BAZ2B: variants seen among roughly 807,000 people sequenced by gnomAD.
The protein encoded by BAZ2B is bromodomain adjacent to zinc finger domain 2B.
In BAZ2B, 91 loss-of-function variants were observed where a neutral mutation model predicts 246.0. The ratio of observed to expected loss-of-function variants is 0.37; its 90% CI spans 0.31 to 0.44. BAZ2B has a LOEUF of 0.44. Ranked by LOEUF, BAZ2B falls within the 20% of genes least tolerant of loss-of-function variation. The pLI, the probability that BAZ2B is intolerant of heterozygous loss-of-function variation, is 1.00. For synonymous variants in BAZ2B, 855 were observed against 860.0 expected (o/e 0.99, Z 0.10); for missense variants, 2,332 against 2,533.7 (o/e 0.92, Z 1.71).
rs368497439 is a variant in BAZ2B at position 159,336,992 on chromosome 2, T to A, written c.5746A>T (p.Ile1916Phe). ...GCTATTGATTTCTGTAATTGCTGAA[T>A]GCACAGAGCTACCTGTGCAGCACTG... is the stretch of plus-strand genomic sequence containing the variant. ...ARSAAQVALC[I>F]QQLQKSIAWE... Residue 1916 changes from isoleucine to phenylalanine, a missense_variant, in exon 33 of 37, where the codon ATT (isoleucine) becomes TTT (phenylalanine). By Grantham distance (21) the Ile-to-Phe change is conservative. Transcript: ENST00000392783. 3 of 1,611,448 alleles carry A rather than the reference T, an allele frequency of 1.9e-6. No individual in the cohort carries two copies. The highest frequency in any genetic ancestry group is 3.3e-5 in the Admixed American group (2 of 59,944).
At chr2:159,616,729 T>TTA (rs1696145813), upstream of BAZ2B, 1 of 152,248 alleles carries the variant, frequency 6.6e-6, no homozygotes, top group Admixed American at 6.5e-5. Context: ...ACTGTAGCTT[T>TTA]GAGTTTGCAC....
At chr2:159,382,078 T>A (rs148789776) in intron 25 of BAZ2B, among the ~76,000 whole-genome samples, 1 of 152,330 alleles carries the variant, frequency 6.6e-6, no homozygotes, top group East Asian at 1.9e-4. Flanking sequence ...TCCTTCTCAG[T>A]GAGACTGTAA....
At chr2:159,668,484 C>T in the BAZ2B span, among the ~76,000 whole-genome samples, 1 of 152,122 alleles carries the variant, frequency 6.6e-6, no homozygotes, top group Non-Finnish European at 1.5e-5. Flanking sequence ...TTAAGAAGTT[C>T]CCTATCATTC....
chr2:159,473,468 A>C (rs545137972), intron 3 of BAZ2B, among the ~76,000 whole-genome samples: 1 of 152,170 alleles, frequency 6.6e-6, no homozygotes, highest in South Asian at 2.1e-4. Flanking sequence ...ATTTTTTATT[A>C]GTCTGGCTAG....
At chr2:159,685,557 A>G in the BAZ2B span, among the ~76,000 whole-genome samples, 4 of 152,176 alleles carry the variant, frequency 2.6e-5, no homozygotes, top group African/African-American at 9.6e-5. Flanking sequence ...ATAGAAGAAA[A>G]GGCAAAAGCA....
chr2:159,598,124 G>A (rs1691208324), intron 1 of BAZ2B, among the ~76,000 whole-genome samples: 1 of 151,966 alleles, frequency 6.6e-6, no homozygotes, highest in African/African-American at 2.4e-5. Flanking sequence ...CTCCCGAGTA[G>A]CTAGTACTAT....
chr2:159,316,018 GAT>G (rs2062079048), downstream of BAZ2B, among the ~76,000 whole-genome samples: 1 of 152,060 alleles, frequency 6.6e-6, no homozygotes, highest in South Asian at 2.1e-4. Flanking sequence ...TAATACAACT[GAT>G]ATGTCTAAAA....
intron 1 of BAZ2B, among the ~76,000 whole-genome samples, chr2:159,567,071 T>G (rs537287318): frequency 8.6e-5 from 13 of 152,034 alleles, no homozygotes; most frequent in Admixed American, 7.2e-4. Flanking sequence ...GATGAGACCT[T>G]GTTTCTACTA....
At chr2:159,342,834 T>C (rs2066977310) in intron 31 of BAZ2B, among the ~76,000 whole-genome samples, 3 of 152,246 alleles carry the variant, frequency 2.0e-5, no homozygotes, top group South Asian at 4.1e-4. Flanking sequence ...GTTAAAATGA[T>C]AATACTACCC....
chr2:159,393,696 T>C (rs923258034), intron 20 of BAZ2B, among the ~76,000 whole-genome samples: 1 of 152,202 alleles, frequency 6.6e-6, no homozygotes, highest in Non-Finnish European at 1.5e-5. Context: ...CTCTCAGTTT[T>C]ATTGGAAGAA....
the BAZ2B span, among the ~76,000 whole-genome samples, chr2:159,678,172 T>G: frequency 1.3e-5 from 2 of 152,194 alleles, no homozygotes; most frequent in Non-Finnish European, 2.9e-5. Flanking sequence ...TTTCTATTAA[T>G]GCAAACATAG....
chr2:159,545,019 T>A (rs1217106533), intron 2 of BAZ2B, among the ~76,000 whole-genome samples: 2 of 152,190 alleles, frequency 1.3e-5, no homozygotes, highest in Non-Finnish European at 2.9e-5. Context: ...AAAGCTATCA[T>A]AACAGAATCT....
chr2:159,651,585 TA>T, the BAZ2B span, among the ~76,000 whole-genome samples: 2 of 152,174 alleles, frequency 1.3e-5, no homozygotes. Flanking sequence ...TATTGAAATA[TA>T]ATTCATTTAC....
the BAZ2B span, chr2:159,689,314 A>G: frequency 1.3e-5 from 5 of 398,706 alleles, no homozygotes; most frequent in Non-Finnish European, 1.4e-5. Flanking sequence ...TACCTTCACC[A>G]TGAAGCTCCA....
intron 6 of BAZ2B, among the ~76,000 whole-genome samples, chr2:159,445,242 G>A (rs1330280701): frequency 2.0e-5 from 3 of 152,062 alleles, no homozygotes; most frequent in Non-Finnish European, 4.4e-5. Flanking sequence ...GGAAGAAATC[G>A]CATTAACAAT....
intron 1 of BAZ2B, among the ~76,000 whole-genome samples, chr2:159,575,156 G>C (rs755542370): frequency 1.7e-4 from 26 of 152,104 alleles, no homozygotes; most frequent in Non-Finnish European, 3.2e-4. Context: ...GAGAAAGTAG[G>C]ATAGTGGGTA....
At chr2:159,555,083 T>C (rs1376845560) in intron 2 of BAZ2B, among the ~76,000 whole-genome samples, 2 of 146,494 alleles carry the variant, frequency 1.4e-5, no homozygotes, top group South Asian at 2.1e-4. Context: ...TGTGTGTGTG[T>C]GTGTGTATTT....
chr2:159,500,727 G>A (rs1047619230), intron 2 of BAZ2B, among the ~76,000 whole-genome samples: 2 of 152,156 alleles, frequency 1.3e-5, no homozygotes, highest in African/African-American at 2.4e-5. Flanking sequence ...GACAAGGCAT[G>A]CAGATCACCT....
intron 3 of BAZ2B, among the ~76,000 whole-genome samples, chr2:159,476,478 T>C (rs1431379934): frequency 6.6e-6 from 1 of 152,000 alleles, no homozygotes; most frequent in Non-Finnish European, 1.5e-5. Context: ...ATTCAGCAAC[T>C]CGGCATACTC....
Sources: allele counts gnomAD v4.1 joint callset (sites outside exome capture counted in the v4.1 genomes callset), GRCh38; gene constraint gnomAD v4.1.1; transcripts MANE v1.5; gene names NCBI Gene and HGNC (gene_info 2026-07-23, HGNC 2026-07-21).